The following CDIN1 variants were observed in gnomAD, a reference collection of about 807,000 sequenced individuals.
The protein encoded by CDIN1 is CDAN1 interacting nuclease 1, also known as CDAN1-interacting nuclease 1.
CDIN1 carries 33 observed loss-of-function variants against 45.3 expected under a neutral mutation model. The observed-to-expected ratio is 0.73, with a 90% CI of 0.55 to 0.97. CDIN1 has a LOEUF of 0.97. Ranked by LOEUF, CDIN1 falls within the 50% of genes least tolerant of loss-of-function variation. The probability of loss-of-function intolerance (pLI) is 0.00; values close to 1 mark genes in which losing one functional copy is unlikely to be tolerated. For missense variants in CDIN1, 303 were observed against 339.4 expected, an observed-to-expected ratio of 0.89 and a Z score of 0.84; for synonymous variants, 118 against 124.4, an observed-to-expected ratio of 0.95 and a Z score of 0.34.
At chr15:36,696,100 G>T (rs1042171555) in intron 7 of CDIN1, among the ~76,000 whole-genome samples, 4 of 151,896 alleles carry the variant, frequency 2.6e-5, no homozygotes, top group African/African-American at 9.7e-5. Flanking sequence ...TCTAGGCCTC[G>T]GTTTTCTCAT....
intron 5 of CDIN1, among the ~76,000 whole-genome samples, chr15:36,658,571 G>A (rs2040869417): frequency 6.6e-6 from 1 of 152,134 alleles, no homozygotes; most frequent in South Asian, 2.1e-4. Flanking sequence ...GCAGGAGTTT[G>A]TCAACTGCCC....
intron 1 of CDIN1, among the ~76,000 whole-genome samples, chr15:36,635,584 T>C (rs1483744821): frequency 6.6e-6 from 1 of 152,070 alleles, no homozygotes; most frequent in African/African-American, 2.4e-5. Flanking sequence ...TGACACATAA[T>C]GAGAGATACT....
intron 10 of CDIN1, among the ~76,000 whole-genome samples, chr15:36,793,038 CCT>C (rs1024979601): frequency 6.0e-4 from 91 of 152,136 alleles, no homozygotes; most frequent in Admixed American, 2.4e-3. Context: ...GTATCTCCCC[CCT>C]CTTACCCACT....
intron 1 of CDIN1, chr15:36,594,819 T>A: frequency 3.6e-5 from 18 of 503,022 alleles, no homozygotes; most frequent in African/African-American, 1.8e-4. Flanking sequence ...GCACTTAAAA[T>A]TTTTTTTTTT....
intron 8 of CDIN1, among the ~76,000 whole-genome samples, chr15:36,703,416 A>C (rs1458597030): frequency 6.9e-6 from 1 of 145,070 alleles, no homozygotes; most frequent in African/African-American, 2.6e-5. Context: ...ATACATATAT[A>C]TCAGATATAT....
At chr15:36,796,151 G>A (rs903187967) in intron 10 of CDIN1, among the ~76,000 whole-genome samples, 2 of 152,254 alleles carry the variant, frequency 1.3e-5, no homozygotes, top group African/African-American at 2.4e-5. Flanking sequence ...GATCTGTGGT[G>A]GGGATTTAGT....
intron 1 of CDIN1, among the ~76,000 whole-genome samples, chr15:36,633,229 C>A (rs902005176): frequency 9.9e-5 from 15 of 152,140 alleles, no homozygotes; most frequent in East Asian, 5.8e-4. Flanking sequence ...TACTTTTACA[C>A]AAATGACATA....
rs142979694 is a variant in CDIN1, at chr15:36,643,275, C to A, written c.102-1003C>A. ...ATTTGTAATGTCATCCAGAAGATGA[C>A]GACACCTAGACAATGAGTAAACAAA... On this transcript the variant is annotated intron_variant, in intron 1 of 10. Transcript: ENST00000566621. Among the ~76,000 whole-genome samples, 8 of 152,064 alleles carry A rather than the reference C, an allele frequency of 5.3e-5. No individual in the cohort carries two copies. In the South Asian group the frequency reaches 1.5e-3, roughly 28 times the overall value.
chr15:36,619,641 A>C (rs987285135), intron 1 of CDIN1, among the ~76,000 whole-genome samples: 4 of 152,168 alleles, frequency 2.6e-5, no homozygotes, highest in Non-Finnish European at 4.4e-5. Flanking sequence ...GGAAAAAAAA[A>C]AACAACATTA....
intron 10 of CDIN1, among the ~76,000 whole-genome samples, chr15:36,732,953 A>G (rs2043884110): frequency 6.6e-6 from 1 of 152,058 alleles, no homozygotes; most frequent in African/African-American, 2.4e-5. Context: ...AGTATTTTTT[A>G]AATAAAGAAA....
chr15:36,589,416 C>G (rs981486431), intron 1 of CDIN1, among the ~76,000 whole-genome samples: 1 of 152,062 alleles, frequency 6.6e-6, no homozygotes, highest in African/African-American at 2.4e-5. Flanking sequence ...ATTCTGCTGT[C>G]AAGTTGCTTA....
chr15:36,621,615 A>G (rs1220937490), intron 1 of CDIN1, among the ~76,000 whole-genome samples: 2 of 152,202 alleles, frequency 1.3e-5, no homozygotes, highest in Non-Finnish European at 2.9e-5. Flanking sequence ...ATCTATGATA[A>G]AAGTGCTTAT....
Position 36,596,014 on chromosome 15 carries a change from G to A in CDIN1, c.101+16053G>A, listed in dbSNP as rs2037810043. 2.6e-5 allele frequency among the ~76,000 whole-genome samples: 4 copies of A among 152,054 alleles called. No individual in the cohort carries two copies. In the South Asian group the frequency reaches 6.2e-4, roughly 24 times the overall value. ...GAAGAAAATTTAGTTTCCATACTCC[G>A]AGCACTGCTTCCTCAAGTATTCTAA... On this transcript the variant is annotated intron_variant, in intron 1 of 10. Coordinates refer to ENST00000566621, the MANE Select transcript of CDIN1 (RefSeq NM_001321759.2).
intron 10 of CDIN1, among the ~76,000 whole-genome samples, chr15:36,788,079 T>C (rs1205414268): frequency 1.7e-3 from 65 of 37,620 alleles, no homozygotes; most frequent in African/African-American, 7.3e-3. Flanking sequence ...TTTATACATA[T>C]ATATATATAT....
intron 10 of CDIN1, among the ~76,000 whole-genome samples, chr15:36,721,924 G>A (rs1340798134): frequency 6.6e-6 from 1 of 151,906 alleles, no homozygotes. Context: ...ACCTGGGCTC[G>A]CCATTTGGAC....
At chr15:36,801,973 G>A (rs1025728812) in intron 10 of CDIN1, among the ~76,000 whole-genome samples, 7 of 133,814 alleles carry the variant, frequency 5.2e-5, no homozygotes, top group African/African-American at 2.0e-4. Context: ...TCATATACTG[G>A]GGTTTTGATC....
At chr15:36,714,092 T>G (rs1433225096) in intron 10 of CDIN1, among the ~76,000 whole-genome samples, 3 of 152,208 alleles carry the variant, frequency 2.0e-5, no homozygotes, top group Admixed American at 2.0e-4. Context: ...TAAGCCTTAG[T>G]ACAATCAAAT....
chr15:36,583,801 G>A (rs899103019), intron 1 of CDIN1, among the ~76,000 whole-genome samples: 47 of 152,280 alleles, frequency 3.1e-4, no homozygotes, highest in Middle Eastern at 6.8e-3. Context: ...CAGATCACGA[G>A]GTCAGGAGAT....
chr15:36,720,371 G>A (rs1175077225), intron 10 of CDIN1, among the ~76,000 whole-genome samples: 1 of 151,702 alleles, frequency 6.6e-6, no homozygotes, highest in African/African-American at 2.4e-5. Context: ...TTGGTGTGCT[G>A]CACCCATCAA....
Sources: gnomAD v4.1 joint callset for allele counts (sites outside exome capture counted in the v4.1 genomes callset) on GRCh38, gnomAD v4.1.1 for gene constraint, MANE v1.5 for transcripts, NCBI Gene and HGNC (gene_info 2026-07-23, HGNC 2026-07-21) for gene names.